PSMB7: variants seen among roughly 807,000 people sequenced by gnomAD.
PSMB7 encodes the protein proteasome subunit beta type-7.
Under a neutral mutation model 28.1 loss-of-function variants are expected in PSMB7, and 5 were observed. The observed-to-expected ratio is 0.18, with a 90% CI of 0.09 to 0.37. PSMB7 has a LOEUF of 0.37. Among genes scored for constraint, PSMB7 ranks in the 10% least tolerant of loss-of-function variants. PSMB7 has a pLI of 1.00. For missense variants in PSMB7, 275 were observed against 346.2 expected (o/e 0.79, Z 1.63); for synonymous variants, 122 against 123.7 (o/e 0.99, Z 0.09).
At chr9:124,373,893 G>A (rs1429294547) in intron 6 of PSMB7, among the ~76,000 whole-genome samples, 1 of 152,118 alleles carries the variant, frequency 6.6e-6, no homozygotes. Context: ...CTTGCTCCTA[G>A]AATTTCTCTT....
chr9:124,391,317 A>G (rs2131167264), intron 5 of PSMB7, among the ~76,000 whole-genome samples: 1 of 152,370 alleles, frequency 6.6e-6, no homozygotes, highest in East Asian at 1.9e-4. Context: ...AAAGTGTGCG[A>G]TGTTCTTTCC....
intron 5 of PSMB7, among the ~76,000 whole-genome samples, chr9:124,385,616 T>C (rs927421427): frequency 6.6e-6 from 1 of 152,260 alleles, no homozygotes; most frequent in Non-Finnish European, 1.5e-5. Context: ...TTGGCATTTA[T>C]TACTTTTTAA....
At chr9:124,404,374 G>A (rs9792535) in intron 5 of PSMB7, among the ~76,000 whole-genome samples, 2 of 152,134 alleles carry the variant, frequency 1.3e-5, no homozygotes, top group African/African-American at 4.8e-5. Flanking sequence ...AGTATCTTGT[G>A]TAACTATAGT....
chr9:124,400,529 A>G (rs1196375996), intron 5 of PSMB7, among the ~76,000 whole-genome samples: 4 of 152,148 alleles, frequency 2.6e-5, no homozygotes, highest in Admixed American at 2.6e-4. Flanking sequence ...CACCTTCCCC[A>G]TGAGGAACTC....
At chr9:124,395,925 T>TTGCCC (rs1016036081) in intron 5 of PSMB7, among the ~76,000 whole-genome samples, 1 of 152,216 alleles carries the variant, frequency 6.6e-6, no homozygotes, top group African/African-American at 2.4e-5. Flanking sequence ...AGCTCCTCCC[T>TTGCCC]TGCCCAGCCC....
intron 6 of PSMB7, among the ~76,000 whole-genome samples, chr9:124,374,962 G>A (rs532206953): frequency 6.6e-5 from 10 of 151,950 alleles, no homozygotes; most frequent in South Asian, 2.1e-4. Flanking sequence ...CCAATATGGC[G>A]AAACACCATC....
chr9:124,415,284 C>A (rs74789535), intron 1 of PSMB7, 80 bp downstream of exon 1: 2 of 1,415,258 alleles, frequency 1.4e-6, no homozygotes, highest in Non-Finnish European at 2.0e-6. Context: ...TCAGAATTCT[C>A]GTATCACACC....
At chr9:124,387,012 C>T (rs149188260) in intron 5 of PSMB7, among the ~76,000 whole-genome samples, 5,325 of 152,172 alleles carry the variant, frequency 0.035, 315 homozygotes, top group African/African-American at 0.12. Context: ...TTTGGGAGGC[C>T]GAGGTGGGCG....
intron 5 of PSMB7, among the ~76,000 whole-genome samples, chr9:124,400,149 G>A (rs968407306): frequency 1.3e-5 from 2 of 152,102 alleles, no homozygotes; most frequent in African/African-American, 4.8e-5. Flanking sequence ...GCAAACTCTG[G>A]CCTTTCAGTG....
At chr9:124,355,269 G>C (rs1489054469) in intron 7 of PSMB7, among the ~76,000 whole-genome samples, 1 of 152,234 alleles carries the variant, frequency 6.6e-6, no homozygotes, top group Non-Finnish European at 1.5e-5. Context: ...TTCTTCCCAA[G>C]CAGCCGCAAG....
At chr9:124,412,608 A>C in intron 3 of PSMB7, 116 bp from the exon 4 acceptor site, 1 of 1,040,434 alleles carries the variant, frequency 9.6e-7, no homozygotes, top group South Asian at 1.7e-5. Flanking sequence ...GTTTTTGAGT[A>C]TATCTATGCT....
chr9:124,358,973 T>C (rs919788194), intron 6 of PSMB7, among the ~76,000 whole-genome samples: 2 of 152,250 alleles, frequency 1.3e-5, no homozygotes, highest in Non-Finnish European at 2.9e-5. Context: ...GCATATCTAG[T>C]GTCAATCCAT....
chr9:124,375,334 CT>C (rs1237737970), intron 6 of PSMB7, among the ~76,000 whole-genome samples: 1 of 151,940 alleles, frequency 6.6e-6, no homozygotes, highest in Non-Finnish European at 1.5e-5. Context: ...CTAATTTTTT[CT>C]GTTTTTTTTG....
intron 6 of PSMB7, among the ~76,000 whole-genome samples, chr9:124,362,980 AG>A (rs1830476848): frequency 6.6e-6 from 1 of 152,244 alleles, no homozygotes. Flanking sequence ...AACAGATAAA[AG>A]TCTGGGTGTG....
chr9:124,356,177 T>C lies in PSMB7; in HGVS notation c.722+587A>G, dbSNP rs1299148547. On this transcript the variant is annotated intron_variant, in intron 7 of 7. Coordinates refer to ENST00000259457, the MANE Select transcript of PSMB7 (RefSeq NM_002799.4). This position sits in a 1 kb window ranked among gnomAD's most constrained non-coding sequence, Gnocchi z 4.4. ...CCTCTGACACATGCTAGCCACCAGG[T>C]TTGGAAACCTCCCAGTTCTGCTCAG... Among the ~76,000 whole-genome samples the C allele has an allele frequency of 6.6e-6, 1 of 151,980 alleles. No homozygotes were observed. Among genetic ancestry groups the C allele is most frequent in the African/African-American group, 2.4e-5 (1 of 41,350 alleles).
intron 5 of PSMB7, among the ~76,000 whole-genome samples, chr9:124,404,677 C>A (rs775743267): frequency 2.0e-5 from 3 of 152,018 alleles, no homozygotes; most frequent in Non-Finnish European, 4.4e-5. Flanking sequence ...CATGGTGAAA[C>A]CCCATCTCTA....
chr9:124,398,194 T>C (rs1056602651), intron 5 of PSMB7, among the ~76,000 whole-genome samples: 5 of 148,702 alleles, frequency 3.4e-5, no homozygotes, highest in African/African-American at 1.2e-4. Context: ...AACCACCAAA[T>C]TTTAGCAATT....
chr9:124,353,844 CTG>C, intron 7 of PSMB7, 135 bp from the exon 8 acceptor site: 1 of 702,932 alleles, frequency 1.4e-6, no homozygotes, highest in Non-Finnish European at 2.5e-6. Flanking sequence ...GATCCCAGCT[CTG>C]TGATCTTGGG....
intron 6 of PSMB7, among the ~76,000 whole-genome samples, chr9:124,376,397 A>C (rs995004074): frequency 2.0e-5 from 3 of 152,212 alleles, no homozygotes; most frequent in African/African-American, 7.2e-5. Flanking sequence ...AATGAAAAAA[A>C]AAATCTAGAA....
Sources: gnomAD v4.1 joint callset for allele counts (sites outside exome capture counted in the v4.1 genomes callset) on GRCh38, gnomAD v4.1.1 for gene constraint, Gnocchi (gnomAD v3.1) non-coding constraint, MANE v1.5 for transcripts, NCBI Gene and HGNC (gene_info 2026-07-23, HGNC 2026-07-21) for gene names.